Variants in CYSTM1 observed in about 807,000 individuals in gnomAD.
CYSTM1 encodes the protein cysteine-rich transmembrane module-containing protein 1.
In CYSTM1, 4 loss-of-function variants were observed where a neutral mutation model predicts 13.1. The ratio of observed to expected loss-of-function variants is 0.31; its 90% CI spans 0.15 to 0.70. CYSTM1 has a LOEUF of 0.70. CYSTM1 is among the 30% of genes least tolerant of loss of function. The probability of loss-of-function intolerance (pLI) is 0.72; values close to 1 mark genes in which losing one functional copy is unlikely to be tolerated. For synonymous variants in CYSTM1, 36 were observed against 42.7 expected (o/e 0.84, Z 0.62); for missense variants, 96 against 121.6 (o/e 0.79, Z 0.99).
At chr5:140,227,389 C>T (rs1173615230) in intron 2 of CYSTM1, among the ~76,000 whole-genome samples, 1 of 152,108 alleles carries the variant, frequency 6.6e-6, no homozygotes, top group Non-Finnish European at 1.5e-5. Context: ...GGTTTGAGCT[C>T]CTTGGAGGGA....
intron 2 of CYSTM1, among the ~76,000 whole-genome samples, chr5:140,235,164 C>T (rs1166025199): frequency 1.3e-5 from 2 of 151,340 alleles, no homozygotes; most frequent in Non-Finnish European, 2.9e-5. Context: ...GATGGGGTTT[C>T]GCCATGTTGG....
intron 2 of CYSTM1, among the ~76,000 whole-genome samples, chr5:140,195,504 C>T (rs566300378): frequency 4.8e-5 from 7 of 145,252 alleles, no homozygotes; most frequent in South Asian, 2.2e-4. Context: ...TGCAGTGGCG[C>T]GATCTCGGCT....
At chr5:140,225,447 T>C (rs1214919268) in intron 2 of CYSTM1, among the ~76,000 whole-genome samples, 1 of 152,214 alleles carries the variant, frequency 6.6e-6, no homozygotes, top group Non-Finnish European at 1.5e-5. Context: ...ACAGGAGGTG[T>C]CTGTGGCCCC....
At chr5:140,177,651 A>G (rs1217916500) in intron 1 of CYSTM1, among the ~76,000 whole-genome samples, 2 of 152,216 alleles carry the variant, frequency 1.3e-5, no homozygotes, top group African/African-American at 4.8e-5. Context: ...CAGTGAAGTC[A>G]TTCTCTGTAA....
chr5:140,207,669 C>T (rs1764314145), intron 2 of CYSTM1, among the ~76,000 whole-genome samples: 1 of 152,192 alleles, frequency 6.6e-6, no homozygotes, highest in Admixed American at 6.5e-5. Flanking sequence ...CATGGTCTGG[C>T]CCTGCTACTA....
intron 1 of CYSTM1, among the ~76,000 whole-genome samples, chr5:140,183,503 A>G (rs534885881): frequency 6.6e-6 from 1 of 152,050 alleles, no homozygotes; most frequent in Non-Finnish European, 1.5e-5. Context: ...TCCCTACCCT[A>G]TTTTTCTGAG....
intron 2 of CYSTM1, among the ~76,000 whole-genome samples, chr5:140,237,083 T>C (rs1350375619): frequency 6.6e-6 from 1 of 151,890 alleles, no homozygotes; most frequent in East Asian, 1.9e-4. Flanking sequence ...CGCACCCTCA[T>C]GTGGAAAGTG....
chr5:140,224,484 T>C (rs996605371), intron 2 of CYSTM1, among the ~76,000 whole-genome samples: 1 of 152,104 alleles, frequency 6.6e-6, no homozygotes, highest in Non-Finnish European at 1.5e-5. Context: ...GACAAATATC[T>C]TCACTAGAGG....
In CYSTM1 at chr5:140,175,611, C is replaced by A. The variant is rs1763872246; in HGVS notation, c.-21+326C>A. Among the ~76,000 whole-genome samples the A allele has an allele frequency of 6.6e-6, 1 of 152,200 alleles. No homozygotes were observed. Among genetic ancestry groups the A allele is most frequent in the African/African-American group, 2.4e-5 (1 of 41,466 alleles). ...GAGTCGGCGGGCTCGGAGCGGGGCT[C>A]GCCACACCCCGTCCCGGGGGACGTC... On this transcript the variant is annotated intron_variant, in intron 1 of 2. Coordinates refer to ENST00000261811, the MANE Select transcript of CYSTM1 (RefSeq NM_032412.4). The surrounding 1 kb of genome is among the most constrained non-coding windows in gnomAD (Gnocchi z 4.9).
At chr5:140,181,477 A>G (rs1351487494) in intron 1 of CYSTM1, among the ~76,000 whole-genome samples, 3 of 152,046 alleles carry the variant, frequency 2.0e-5, no homozygotes, top group Admixed American at 6.6e-5. Flanking sequence ...CTAATGAGGG[A>G]TAATTGTATT....
At chr5:140,215,234 T>C (rs987524952) in intron 2 of CYSTM1, among the ~76,000 whole-genome samples, 2 of 152,258 alleles carry the variant, frequency 1.3e-5, no homozygotes, top group Non-Finnish European at 2.9e-5. Flanking sequence ...TCTGCTTATA[T>C]TGTGGCTCCT....
chr5:140,236,785 G>T lies in CYSTM1; in HGVS notation c.188-6520G>T, dbSNP rs140061212. ...GGTCTGCCCAACTCCCAAGTTGGTGGCAGGGACATGGGGAAAGTGGGCCCT... is the reference window on the plus strand; with the variant it reads ...GGTCTGCCCAACTCCCAAGTTGGTGTCAGGGACATGGGGAAAGTGGGCCCT... On this transcript the variant is annotated intron_variant, in intron 2 of 2. Transcript: ENST00000261811. Among the ~76,000 whole-genome samples the T allele has an allele frequency of 1.7e-3, 257 of 152,340 alleles. 1 individual carries two copies. Among genetic ancestry groups the T allele is most frequent in the African/African-American group, 5.9e-3 (246 of 41,578 alleles).
chr5:140,191,478 C>T (rs908556965), intron 1 of CYSTM1, among the ~76,000 whole-genome samples: 1 of 152,106 alleles, frequency 6.6e-6, no homozygotes, highest in Non-Finnish European at 1.5e-5. Context: ...TGGAAGAGAG[C>T]TTTGAGGTTC....
rs748268435 is a variant in CYSTM1, at chr5:140,230,068, C to T, written c.188-13237C>T. On this transcript the variant is annotated intron_variant, in intron 2 of 2. Transcript: ENST00000261811. This position sits in a 1 kb window ranked among gnomAD's most constrained non-coding sequence, Gnocchi z 4.1. ...GTATTTTTAGTAGAGACAGGGGTTT[C>T]ACCATGTTGGTCAGTATGGTCTCGA... Among the ~76,000 whole-genome samples, 1 of 152,152 alleles carries T rather than the reference C, an allele frequency of 6.6e-6. No individual in the cohort carries two copies. Among genetic ancestry groups the T allele is most frequent in the Non-Finnish European group, 1.5e-5 (1 of 68,026 alleles).
intron 2 of CYSTM1, among the ~76,000 whole-genome samples, chr5:140,197,568 C>T (rs1274330185): frequency 6.6e-6 from 1 of 152,192 alleles, no homozygotes; most frequent in Non-Finnish European, 1.5e-5. Context: ...AGAATGTAGC[C>T]TCACTGAGTG....
At chr5:140,226,555 T>A (rs1363996588) in intron 2 of CYSTM1, among the ~76,000 whole-genome samples, 16 of 110,798 alleles carry the variant, frequency 1.4e-4, no homozygotes, top group African/African-American at 5.3e-4. Context: ...TAATATAATA[T>A]ATAATATAAA....
At chr5:140,228,590 C>G (rs1764587115) in intron 2 of CYSTM1, 1 of 394,688 alleles carries the variant, frequency 2.5e-6, no homozygotes, top group South Asian at 1.4e-4. Context: ...CAGCTTGGCC[C>G]CTGCCCTGCC....
intron 2 of CYSTM1, among the ~76,000 whole-genome samples, chr5:140,203,419 T>G (rs1414554079): frequency 6.6e-6 from 1 of 152,214 alleles, no homozygotes; most frequent in Non-Finnish European, 1.5e-5. Flanking sequence ...ACATGAAGTC[T>G]ATCTAGCCTA....
At chr5:140,193,888 A>T (rs1427303632) in intron 1 of CYSTM1, among the ~76,000 whole-genome samples, 1 of 152,182 alleles carries the variant, frequency 6.6e-6, no homozygotes, top group African/African-American at 2.4e-5. Context: ...GAACAACCAG[A>T]TCACCCCAAT....
Sources: allele counts gnomAD v4.1 joint callset (sites outside exome capture counted in the v4.1 genomes callset), GRCh38; gene constraint gnomAD v4.1.1; non-coding constraint Gnocchi (gnomAD v3.1); transcripts MANE v1.5; gene names NCBI Gene and HGNC (gene_info 2026-07-23, HGNC 2026-07-21).